CHRM3: variants seen among roughly 807,000 people sequenced by gnomAD.
CHRM3 encodes cholinergic receptor muscarinic 3.
CHRM3 carries 11 observed loss-of-function variants against 41.8 expected under a neutral mutation model. The observed-to-expected ratio is 0.26, with a 90% CI of 0.17 to 0.44. The LOEUF is 0.44. Among genes scored for constraint, CHRM3 ranks in the 20% least tolerant of loss-of-function variants. CHRM3 has a pLI of 1.00. For missense variants in CHRM3, 571 were observed against 745.4 expected, an observed-to-expected ratio of 0.77 and a Z score of 2.72; for synonymous variants, 297 against 301.4, an observed-to-expected ratio of 0.99 and a Z score of 0.15.
chr1:239,644,387 A>T (rs2148938398), intron 4 of CHRM3, among the ~76,000 whole-genome samples: 1 of 151,168 alleles, frequency 6.6e-6, no homozygotes. Flanking sequence ...CAGGGTCCTC[A>T]GCCTCAGAGC....
Position 239,908,550 on chromosome 1 carries a change from A to G in CHRM3, c.1099A>G (p.Ile367Val), listed in dbSNP as rs779040386. The change falls in exon 7 of 7, where the codon ATC becomes GTC. Residue 367 changes from isoleucine to valine, a missense_variant. Physicochemically the swap from Ile to Val is conservative, Grantham distance 29. This residue lies in a region of CHRM3 where 239 missense variants were observed against 239.6 expected (regional missense o/e 1.00). Coordinates refer to ENST00000676153, the MANE Select transcript of CHRM3 (RefSeq NM_001375978.1). This position sits in a 1 kb window ranked among gnomAD's most constrained non-coding sequence, Gnocchi z 7.2. ...IGSETRAIYS[I>V]VLKLPGHSTI... Reference sequence around the variant, plus strand: ...CTCCGAGACGAGAGCCATCTACTCCATCGTGCTCAAGCTTCCGGGTCACAG... The same window carrying G: ...CTCCGAGACGAGAGCCATCTACTCCGTCGTGCTCAAGCTTCCGGGTCACAG... 1.9e-6 allele frequency: 3 copies of G among 1,588,200 alleles called. No homozygotes were observed. The highest frequency in any genetic ancestry group is 2.6e-6 in the Non-Finnish European group (3 of 1,167,402).
intron 3 of CHRM3, among the ~76,000 whole-genome samples, chr1:239,581,523 G>A (rs1431840308): frequency 2.6e-5 from 4 of 152,136 alleles, no homozygotes; most frequent in African/African-American, 4.8e-5. Context: ...CTATTATGAA[G>A]GACCCACAAA....
intron 2 of CHRM3, among the ~76,000 whole-genome samples, chr1:239,530,525 G>A (rs1426199680): frequency 6.6e-6 from 1 of 152,172 alleles, no homozygotes; most frequent in Admixed American, 6.5e-5. Flanking sequence ...AACTGTCAGT[G>A]CAGGGTTCCA....
chr1:239,887,830 C>G (rs1244761876), intron 6 of CHRM3, among the ~76,000 whole-genome samples: 1 of 152,004 alleles, frequency 6.6e-6, no homozygotes, highest in African/African-American at 2.4e-5. Context: ...CAAGGGACCC[C>G]CGAGGGATAG....
chr1:239,398,425 G>A (rs1173951395), intron 1 of CHRM3, among the ~76,000 whole-genome samples: 1 of 151,466 alleles, frequency 6.6e-6, no homozygotes, highest in Non-Finnish European at 1.5e-5. Flanking sequence ...TGGTAGAAAC[G>A]GGGTTTCACC....
chr1:239,633,186 T>C (rs1670056633), intron 4 of CHRM3, among the ~76,000 whole-genome samples: 1 of 152,192 alleles, frequency 6.6e-6, no homozygotes, highest in Non-Finnish European at 1.5e-5. Flanking sequence ...TTAGCCAGGA[T>C]GGTCTCGATC....
At chr1:239,761,916 T>C (rs978661068) in intron 5 of CHRM3, among the ~76,000 whole-genome samples, 17 of 152,160 alleles carry the variant, frequency 1.1e-4, no homozygotes, top group African/African-American at 4.1e-4. Flanking sequence ...CAATTCAGTC[T>C]CTCCAATTCA....
chr1:239,662,471 T>C (rs889434785), intron 4 of CHRM3, among the ~76,000 whole-genome samples: 1 of 152,290 alleles, frequency 6.6e-6, no homozygotes, highest in Middle Eastern at 3.4e-3. Flanking sequence ...TTTGGTATGG[T>C]AGCACCCTAT....
In CHRM3 at chr1:239,522,928, C is replaced by A. The variant is rs184188320; in HGVS notation, c.-421-22713C>A. On this transcript the variant is annotated intron_variant, in intron 2 of 6. Transcript: ENST00000676153. ...TTCTTTAGTGTATAGTATTACTACT[C>A]ATGTCCATTATGAACCATGAGCCCA... Among the ~76,000 whole-genome samples the A allele has an allele frequency of 6.6e-5, 10 of 152,180 alleles. No homozygotes were observed. The East Asian group carries it at 1.9e-3, about 30-fold the overall frequency.
At chr1:239,538,651 C>A (rs1328178238) in intron 2 of CHRM3, among the ~76,000 whole-genome samples, 3 of 152,316 alleles carry the variant, frequency 2.0e-5, no homozygotes, top group East Asian at 1.9e-4. Context: ...ATTGGAACAT[C>A]AGCATAGCAC....
At chr1:239,854,046 T>C (rs1674909352) in intron 6 of CHRM3, among the ~76,000 whole-genome samples, 1 of 152,082 alleles carries the variant, frequency 6.6e-6, no homozygotes, top group Non-Finnish European at 1.5e-5. Flanking sequence ...ATAGCTTTTA[T>C]GGAGGATACA....
intron 1 of CHRM3, among the ~76,000 whole-genome samples, chr1:239,406,692 A>C (rs1219745323): frequency 1.3e-5 from 2 of 152,162 alleles, no homozygotes; most frequent in African/African-American, 4.8e-5. Flanking sequence ...AGCTATAAAG[A>C]AGTAATGCCC....
chr1:239,409,241 T>C (rs190180096), intron 1 of CHRM3, among the ~76,000 whole-genome samples: 97 of 152,322 alleles, frequency 6.4e-4, no homozygotes, highest in African/African-American at 2.1e-3. Flanking sequence ...AGCTAATTTT[T>C]ATTGCTGTTG....
intron 5 of CHRM3, among the ~76,000 whole-genome samples, chr1:239,725,456 AC>A (rs1663348865): frequency 6.6e-6 from 1 of 151,908 alleles, no homozygotes; most frequent in Non-Finnish European, 1.5e-5. Flanking sequence ...AGCAGGATAT[AC>A]TTTTTGTTTC....
chr1:239,787,990 C>T lies in CHRM3; in HGVS notation c.-146-39262C>T, dbSNP rs576983792. Among the ~76,000 whole-genome samples, 169 of 152,302 alleles carry T rather than the reference C, an allele frequency of 1.1e-3. 1 individual carries two copies. The highest frequency in any genetic ancestry group is 3.9e-3 in the African/African-American group (164 of 41,552). Reference sequence around the variant, plus strand: ...CAGTGGCTCACACCTGTAGTCTCAGCACTTTGGGAGGCCAAGGCAGGAGGA... The same window carrying T: ...CAGTGGCTCACACCTGTAGTCTCAGTACTTTGGGAGGCCAAGGCAGGAGGA... On this transcript the variant is annotated intron_variant, in intron 5 of 6. Transcript: ENST00000676153.
At chr1:239,834,148 T>TCTCACACACA (rs1553278786) in intron 6 of CHRM3, among the ~76,000 whole-genome samples, 6 of 135,232 alleles carry the variant, frequency 4.4e-5, no homozygotes, top group Non-Finnish European at 9.4e-5. Context: ...TAATTCCACA[T>TCTCACACACA]CACACACACA....
At chr1:239,659,452 C>G (rs1275651564) in intron 4 of CHRM3, among the ~76,000 whole-genome samples, 1 of 152,172 alleles carries the variant, frequency 6.6e-6, no homozygotes, top group Non-Finnish European at 1.5e-5. Flanking sequence ...TCCCTAGTCT[C>G]TAGGCCCCCT....
Position 239,537,999 on chromosome 1 carries a change from G to A in CHRM3, c.-421-7642G>A, listed in dbSNP as rs912610362. Among the ~76,000 whole-genome samples the A allele has an allele frequency of 3.9e-5, 6 of 152,198 alleles. No individual in the cohort carries two copies. The South Asian group carries it at 1.2e-3, about 32-fold the overall frequency. On this transcript the variant is annotated intron_variant, in intron 2 of 6. Transcript: ENST00000676153. Reference sequence around the variant, plus strand: ...CGTGTAAATGAGTCATAAGCGCTTGGCATGTGGGTAGCCACGTGAGCAGTG... The same window carrying A: ...CGTGTAAATGAGTCATAAGCGCTTGACATGTGGGTAGCCACGTGAGCAGTG...
chr1:239,888,231 G>A (rs1678233478), intron 6 of CHRM3, among the ~76,000 whole-genome samples: 1 of 152,076 alleles, frequency 6.6e-6, no homozygotes, highest in Non-Finnish European at 1.5e-5. Context: ...GCCAGGCATG[G>A]TGGTGCACAC....
Sources: allele counts gnomAD v4.1 joint callset (sites outside exome capture counted in the v4.1 genomes callset), GRCh38; gene constraint gnomAD v4.1.1; regional missense constraint gnomAD v4.1.1; non-coding constraint Gnocchi (gnomAD v3.1); transcripts MANE v1.5; gene names NCBI Gene and HGNC (gene_info 2026-07-23, HGNC 2026-07-21).